MYO3A: variants seen among roughly 807,000 people sequenced by gnomAD.
MYO3A encodes the protein myosin IIIA, also known as myosin-IIIa.
Under a neutral mutation model 192.7 loss-of-function variants are expected in MYO3A, and 180 were observed. The observed-to-expected ratio is 0.93, with a 90% CI of 0.83 to 1.06. MYO3A has a LOEUF of 1.06. Among genes scored for constraint, MYO3A ranks in the 50% least tolerant of loss-of-function variants. The pLI is 0.00. For missense variants in MYO3A, 1,896 were observed against 1,905.0 expected (o/e 1.00, Z 0.09); for synonymous variants, 628 against 645.3 (o/e 0.97, Z 0.41).
intron 31 of MYO3A, among the ~76,000 whole-genome samples, chr10:26,190,559 G>GTTC (rs1156493614): frequency 2.0e-5 from 3 of 152,160 alleles, no homozygotes. Context: ...CAGGAGGCAA[G>GTTC]GGGAAGATCA....
At chr10:26,020,804 A>G (rs1462948053) in intron 7 of MYO3A, among the ~76,000 whole-genome samples, 3 of 152,186 alleles carry the variant, frequency 2.0e-5, no homozygotes, top group Non-Finnish European at 4.4e-5. Flanking sequence ...CAATCTTATA[A>G]AATTACAAAA....
At chr10:26,139,231 G>T (rs10828954) in intron 20 of MYO3A, among the ~76,000 whole-genome samples, 21,764 of 151,970 alleles carry the variant, frequency 0.14, 1,779 homozygotes, top group East Asian at 0.31. Flanking sequence ...ATCAAAAATA[G>T]ATTAAAAATA....
intron 4 of MYO3A, among the ~76,000 whole-genome samples, chr10:25,959,974 T>C (rs922748779): frequency 6.6e-6 from 1 of 152,062 alleles, no homozygotes; most frequent in Non-Finnish European, 1.5e-5. Context: ...CCTCTACTAT[T>C]CCCTAGCACT....
chr10:26,193,972 C>T (rs1467438152), intron 32 of MYO3A, among the ~76,000 whole-genome samples: 2 of 152,134 alleles, frequency 1.3e-5, no homozygotes, highest in South Asian at 4.1e-4. Flanking sequence ...CTATAAATGC[C>T]ACTGTCATCC....
At chr10:26,112,529 A>T (rs994421415) in intron 17 of MYO3A, among the ~76,000 whole-genome samples, 3 of 152,242 alleles carry the variant, frequency 2.0e-5, no homozygotes, top group African/African-American at 7.2e-5. Context: ...CATGATTCTG[A>T]CATCCTCTAA....
At chr10:26,178,458 A>G (rs904901468) in intron 31 of MYO3A, among the ~76,000 whole-genome samples, 1 of 151,900 alleles carries the variant, frequency 6.6e-6, no homozygotes, top group Non-Finnish European at 1.5e-5. Flanking sequence ...AGGCTGAGGC[A>G]AGTAGAATTA....
rs555106718 is a variant in MYO3A at position 25,999,894 on chromosome 10, A to G, written c.508+2636A>G. ...CCCACTTATACAACTTAGACACAAAACTTGTCTCTCTGTTAGATATCGCCA... is the reference window on the plus strand; with the variant it reads ...CCCACTTATACAACTTAGACACAAAGCTTGTCTCTCTGTTAGATATCGCCA... On this transcript the variant is annotated intron_variant, in intron 6 of 34. Coordinates refer to ENST00000642920, the MANE Select transcript of MYO3A (RefSeq NM_017433.5). 1.6e-4 allele frequency among the ~76,000 whole-genome samples: 24 copies of G among 152,094 alleles called. 1 individual carries two copies. The highest frequency in any genetic ancestry group is 5.8e-4 in the African/African-American group (24 of 41,456).
At chr10:25,987,418 G>A (rs10828922) in intron 4 of MYO3A, among the ~76,000 whole-genome samples, 109,135 of 152,152 alleles carry the variant, frequency 0.72, 39,493 homozygotes, top group African/African-American at 0.79. Context: ...AGTAGAGTTA[G>A]CAGACAATCC....
At chr10:26,143,956 C>T (rs971301249) in intron 21 of MYO3A, among the ~76,000 whole-genome samples, 1 of 152,090 alleles carries the variant, frequency 6.6e-6, no homozygotes, top group African/African-American at 2.4e-5. Flanking sequence ...AGATAGTTAA[C>T]AGGTAGGAAA....
At chr10:25,982,939 A>G (rs532949345) in intron 4 of MYO3A, among the ~76,000 whole-genome samples, 2 of 152,316 alleles carry the variant, frequency 1.3e-5, no homozygotes, top group Non-Finnish European at 2.9e-5. Flanking sequence ...ACCCAAACCA[A>G]GATGAAATCT....
In MYO3A at chr10:26,195,653, CA is replaced by C. The variant is rs554384549; in HGVS notation, c.4545+2345del. Among the ~76,000 whole-genome samples, 44 of 152,360 alleles carry C rather than the reference CA, an allele frequency of 2.9e-4. 1 individual carries two copies. In the East Asian group the frequency reaches 8.3e-3, roughly 29 times the overall value. ...TCCCAGTAACCTGCATTCTCCTCTTCAAATTGTCCACGAACATTTGTCCTTG... is the reference window on the plus strand; with the variant it reads ...TCCCAGTAACCTGCATTCTCCTCTTCAATTGTCCACGAACATTTGTCCTTG... On this transcript the variant is annotated intron_variant, in intron 32 of 34. Transcript: ENST00000642920.
At chr10:26,109,699 T>C (rs1838042746) in intron 17 of MYO3A, among the ~76,000 whole-genome samples, 1 of 152,234 alleles carries the variant, frequency 6.6e-6, no homozygotes, top group Non-Finnish European at 1.5e-5. Flanking sequence ...TAAACTTTTC[T>C]AGTATGGGCT....
intron 4 of MYO3A, among the ~76,000 whole-genome samples, 165 bp from the exon 5 acceptor site, chr10:25,996,325 C>T (rs1840437197): frequency 1.3e-5 from 2 of 152,146 alleles, no homozygotes; most frequent in Non-Finnish European, 2.9e-5. Flanking sequence ...TTACACAAGT[C>T]TAAGTTTATA....
At chr10:26,073,400 A>T (rs904099058) in intron 14 of MYO3A, among the ~76,000 whole-genome samples, 1 of 152,048 alleles carries the variant, frequency 6.6e-6, no homozygotes, top group African/African-American at 2.4e-5. Flanking sequence ...AAACTCCGTC[A>T]GTACTAAAAA....
intron 10 of MYO3A, among the ~76,000 whole-genome samples, chr10:26,038,923 T>C (rs1248121513): frequency 6.6e-6 from 1 of 152,234 alleles, no homozygotes; most frequent in African/African-American, 2.4e-5. Flanking sequence ...TTTTTGTCCT[T>C]CATTCTGTTG....
At chr10:26,049,307 C>G (rs7085644) in intron 10 of MYO3A, among the ~76,000 whole-genome samples, 3,845 of 152,208 alleles carry the variant, frequency 0.025, 185 homozygotes, top group African/African-American at 0.087. Flanking sequence ...ATTAACCAGG[C>G]AGTCCTAGCC....
intron 19 of MYO3A, among the ~76,000 whole-genome samples, chr10:26,126,056 A>G (rs1284031430): frequency 6.6e-6 from 1 of 152,242 alleles, no homozygotes; most frequent in Non-Finnish European, 1.5e-5. Flanking sequence ...TAATGCCATT[A>G]CAGCCTCACT....
At chr10:26,049,833 G>A (rs562997702) in intron 10 of MYO3A, among the ~76,000 whole-genome samples, 6 of 151,606 alleles carry the variant, frequency 4.0e-5, no homozygotes, top group African/African-American at 9.7e-5. Context: ...CCACCACCGC[G>A]CTCAGCTAAT....
At chr10:26,180,713 C>G (rs1200332023) in intron 31 of MYO3A, among the ~76,000 whole-genome samples, 1 of 133,346 alleles carries the variant, frequency 7.5e-6, no homozygotes. Context: ...GAAATAATAG[C>G]AAAAAAAAAA....
Sources: gnomAD v4.1 joint callset for allele counts (sites outside exome capture counted in the v4.1 genomes callset) on GRCh38, gnomAD v4.1.1 for gene constraint, MANE v1.5 for transcripts, NCBI Gene and HGNC (gene_info 2026-07-23, HGNC 2026-07-21) for gene names.